Variants in IFT172 observed in about 807,000 individuals in gnomAD.
The protein encoded by IFT172 is intraflagellar transport 172.
IFT172 carries 164 observed loss-of-function variants against 248.9 expected under a neutral mutation model. The ratio of observed to expected loss-of-function variants is 0.66; its 90% CI spans 0.58 to 0.75. The LOEUF is 0.75. Among genes scored for constraint, IFT172 ranks in the 30% least tolerant of loss-of-function variants. The probability of loss-of-function intolerance (pLI) is 0.00; values close to 1 mark genes in which losing one functional copy is unlikely to be tolerated. For missense variants in IFT172, 1,950 were observed against 2,192.4 expected, an observed-to-expected ratio of 0.89 and a Z score of 2.21; for synonymous variants, 729 against 791.6, an observed-to-expected ratio of 0.92 and a Z score of 1.33.
intron 18 of IFT172, among the ~76,000 whole-genome samples, chr2:27,464,652 C>T (rs961955559): frequency 2.0e-5 from 3 of 151,646 alleles, no homozygotes; most frequent in South Asian, 2.1e-4. Flanking sequence ...TACGATCTCG[C>T]GCATCAGCCA....
At chr2:27,488,855 C>CA (rs1443815902) in intron 1 of IFT172, among the ~76,000 whole-genome samples, 2 of 152,148 alleles carry the variant, frequency 1.3e-5, no homozygotes, top group Non-Finnish European at 1.5e-5. Context: ...CTCGTCTCTA[C>CA]AAAAAACAAA....
At chr2:27,458,089 C>T (rs1490310815) in intron 27 of IFT172, 37 bp downstream of exon 27, 2 of 1,611,752 alleles carry the variant, frequency 1.2e-6, no homozygotes, top group Non-Finnish European at 8.5e-7. Context: ...CTTGAAATCT[C>T]ATCTCCCTCT....
At chr2:27,487,368 G>A (rs1048622087) in intron 1 of IFT172, among the ~76,000 whole-genome samples, 2 of 152,114 alleles carry the variant, frequency 1.3e-5, no homozygotes, top group Non-Finnish European at 2.9e-5. Flanking sequence ...TATTAAGTGA[G>A]GTAGGGAATA....
rs1456218679 is a variant in IFT172, at chr2:27,454,531, A to G, written c.3465+36T>C. 2 of 1,612,054 alleles carry G rather than the reference A, an allele frequency of 1.2e-6. No homozygotes were observed. Among genetic ancestry groups the G allele is most frequent in the Admixed American group, 3.3e-5 (2 of 60,000 alleles). On this transcript the variant is annotated intron_variant, in intron 31 of 47. Coordinates refer to ENST00000260570, the MANE Select transcript of IFT172 (RefSeq NM_015662.3). The surrounding 1 kb of genome is among the most constrained non-coding windows in gnomAD (Gnocchi z 4.2). ...GCAGTGCACTAGGGGATGGAATAAG[A>G]GGGCTCTGCGGTCGGGGTCCAAATC... is the stretch of plus-strand genomic sequence containing the variant.
In IFT172 at chr2:27,478,000, T is replaced by C. The variant is rs1668091082; in HGVS notation, c.1162A>G (p.Ser388Gly). ...CCCTCAATTTTGGTTCCTACCTCAC[T>C]AAGCCGATTAGTGTTCAGGTCCCCC... ...LLGDLNTNRLSEIAWQGSGGN... is the reference protein window; with the variant it reads ...LLGDLNTNRLGEIAWQGSGGN... The change falls in exon 11 of 48, where the codon AGT becomes GGT. Residue 388 changes from serine (S) to glycine (G), a missense_variant. Ser to Gly is a moderately conservative substitution (Grantham distance 56, BLOSUM62 0). Coordinates refer to ENST00000260570, the MANE Select transcript of IFT172 (RefSeq NM_015662.3). 1 of 1,614,124 alleles carries C rather than the reference T, an allele frequency of 6.2e-7. No homozygotes were observed. The highest frequency in any genetic ancestry group is 8.5e-7 in the Non-Finnish European group (1 of 1,179,996).
Position 27,454,106 on chromosome 2 carries a change from G to C in IFT172, c.3587C>G (p.Pro1196Arg), listed in dbSNP as rs754030652. The C allele has an allele frequency of 3.7e-6, 6 of 1,614,044 alleles. No homozygotes were observed. The South Asian group carries it at 6.6e-5, about 18-fold the overall frequency. The change falls in exon 33 of 48, where the codon CCT (proline) becomes CGT (arginine). Residue 1196 changes from proline (P) to arginine (R), a missense_variant. Physicochemically the swap from Pro to Arg is moderately radical, Grantham distance 103. Transcript: ENST00000260570. The surrounding 1 kb of genome is among the most constrained non-coding windows in gnomAD (Gnocchi z 4.2). The stretch of plus-strand genomic sequence containing the variant: ...CACAAGCACCTCGGCGACACTGTCA[G>C]GGTCGTGAGCCTCAGCCACACGCTG... ...AAQRVAEAHD[P>R]DSVAEVLVGQ...
intron 16 of IFT172, among the ~76,000 whole-genome samples, chr2:27,468,600 A>G (rs1013744855): frequency 1.3e-5 from 2 of 152,158 alleles, no homozygotes; most frequent in Non-Finnish European, 2.9e-5. Flanking sequence ...CTGTAATCCC[A>G]GCACTTTGGG....
At chr2:27,465,669 T>C (rs1667034144) in intron 17 of IFT172, 77 bp downstream of exon 17, 2 of 1,595,738 alleles carry the variant, frequency 1.3e-6, no homozygotes, top group Admixed American at 3.3e-5. Flanking sequence ...CTGGCCAGTT[T>C]TACACCCCAC....
chr2:27,446,413 C>A, intron 42 of IFT172, 58 bp from the exon 43 acceptor site: 1 of 1,460,002 alleles, frequency 6.8e-7, no homozygotes, highest in Non-Finnish European at 9.6e-7. Context: ...GCTACCAGAC[C>A]AATGATCCTG....
At chr2:27,450,307 A>C (rs1014601255) in intron 35 of IFT172, among the ~76,000 whole-genome samples, 2 of 152,182 alleles carry the variant, frequency 1.3e-5, no homozygotes, top group African/African-American at 2.4e-5. Context: ...CTCTCAGTTC[A>C]TTAACTCTTT....
intron 22 of IFT172, 30 bp downstream of exon 22, chr2:27,461,239 A>G: frequency 6.2e-7 from 1 of 1,612,994 alleles, no homozygotes; most frequent in Non-Finnish European, 8.5e-7. Context: ...AGCTCTGGAG[A>G]TAAGGGCTAG....
rs747512568 is a variant in IFT172, at chr2:27,454,201, G to A, written c.3531-39C>T. ...GGGACAGAGGAGAGACTGAGTATAG[G>A]ACTGAGGCCCCAATAGTGGGAGACA... On this transcript the variant is annotated intron_variant, in intron 32 of 47. Transcript: ENST00000260570. This position sits in a 1 kb window ranked among gnomAD's most constrained non-coding sequence, Gnocchi z 4.2. 1 of 1,604,574 alleles carries A rather than the reference G, an allele frequency of 6.2e-7. No homozygotes were observed. Among genetic ancestry groups the A allele is most frequent in the South Asian group, 1.1e-5 (1 of 90,160 alleles).
At position 27,461,745 on chromosome 2, in the gene IFT172, G is replaced by A. The variant is rs1666690784; in HGVS notation, c.2193+14C>T. ...CCAAATTCTGAACAACTGTGGAGAAGATAAAACAGGTACCTTGGCTTCAGC... is the reference window on the plus strand; with the variant it reads ...CCAAATTCTGAACAACTGTGGAGAAAATAAAACAGGTACCTTGGCTTCAGC... On this transcript the variant is annotated intron_variant, in intron 21 of 47. Coordinates refer to ENST00000260570, the MANE Select transcript of IFT172 (RefSeq NM_015662.3). 2 of 1,614,096 alleles carry A rather than the reference G, an allele frequency of 1.2e-6. No homozygotes were observed. Among genetic ancestry groups the A allele is most frequent in the Non-Finnish European group, 1.7e-6 (2 of 1,179,988 alleles).
rs761385238 is a variant in IFT172 at position 27,459,476 on chromosome 2, T to A, written c.2689A>T (p.Lys897Ter). 6.2e-7 allele frequency: 1 copy of A among 1,614,178 alleles called. No homozygotes were observed. The highest frequency in any genetic ancestry group is 1.1e-5 in the South Asian group (1 of 91,086). ...IEAALGARQW[K>*]KAIYILDLQD... ...AGATCTAATATATAAATTGCCTTCTTCCACTGGCGGGCACCCAGGGCGGCC... is the reference window on the plus strand; with the variant it reads ...AGATCTAATATATAAATTGCCTTCTACCACTGGCGGGCACCCAGGGCGGCC... The change falls in exon 25 of 48, where the codon AAG (lysine) becomes TAG (stop). Residue 897 changes from lysine (K) to a stop codon, truncating the protein, a stop_gained. Coordinates refer to ENST00000260570, the MANE Select transcript of IFT172 (RefSeq NM_015662.3). LOFTEE classifies it high-confidence loss of function.
chr2:27,458,801 C>T lies in IFT172; in HGVS notation c.2855G>A (p.Gly952Asp). Residue 952 changes from glycine (G) to aspartate (D), a missense_variant, in exon 26 of 48, where the codon GGT (glycine) becomes GAT (aspartate). Gly to Asp is a moderately conservative substitution (Grantham distance 94). Coordinates refer to ENST00000260570, the MANE Select transcript of IFT172 (RefSeq NM_015662.3). ...TACCTTGTGGGCTTGTTCCCAACGACCAGCCTGGGTGTACATGTCTATGGC... is the reference window on the plus strand; with the variant it reads ...TACCTTGTGGGCTTGTTCCCAACGATCAGCCTGGGTGTACATGTCTATGGC... Reference protein sequence around the residue: ...KDAIDMYTQAGRWEQAHKLAM... With the variant: ...KDAIDMYTQADRWEQAHKLAM... 1 of 1,614,198 alleles carries T rather than the reference C, an allele frequency of 6.2e-7. No individual in the cohort carries two copies. The highest frequency in any genetic ancestry group is 8.5e-7 in the Non-Finnish European group (1 of 1,180,032).
At chr2:27,463,871 G>A (rs898532972) in intron 18 of IFT172, among the ~76,000 whole-genome samples, 7 of 152,140 alleles carry the variant, frequency 4.6e-5, no homozygotes, top group African/African-American at 1.7e-4. Context: ...AGACTAATGG[G>A]CAAGCAGGAA....
In IFT172 at chr2:27,485,104, C is replaced by T. The variant is rs1388930401; in HGVS notation, c.210G>A (p.Lys70=). Residue 70 remains lysine, a synonymous_variant, in exon 3 of 48, where the codon AAG becomes AAA. Coordinates refer to ENST00000260570, the MANE Select transcript of IFT172 (RefSeq NM_015662.3). The part of the protein sequence containing the change: ...MKYGRKSYMV[K]GMAFSPDSTK... ...TGGAATCAGGAGAAAAAGCCATGCC[C>T]TTCACCATATAGCTCTTCCTGCCAT... 3.7e-6 allele frequency: 6 copies of T among 1,608,030 alleles called. No individual in the cohort carries two copies. Among genetic ancestry groups the T allele is most frequent in the Non-Finnish European group, 4.3e-6 (5 of 1,175,234 alleles).
At chr2:27,479,337 C>T (rs562345014) in intron 10 of IFT172, among the ~76,000 whole-genome samples, 172 bp downstream of exon 10, 7 of 152,314 alleles carry the variant, frequency 4.6e-5, no homozygotes, top group Middle Eastern at 3.4e-3. Context: ...GCAAGAACTA[C>T]AGCAGGAAAG....
Position 27,465,530 on chromosome 2 carries a change from A to G in IFT172, c.1830-12T>C. 6.2e-7 allele frequency: 1 copy of G among 1,612,184 alleles called. No homozygotes were observed. The highest frequency in any genetic ancestry group is 1.1e-5 in the South Asian group (1 of 91,048). On this transcript the variant is annotated splice_polypyrimidine_tract_variant and intron_variant, in intron 17 of 47. Coordinates refer to ENST00000260570, the MANE Select transcript of IFT172 (RefSeq NM_015662.3). Reference sequence around the variant, plus strand: ...AGAAGGCTGTTGCCCTGGAAAGGGAAGGAAGCAAAGCATAATGAATGAGGA... The same window carrying G: ...AGAAGGCTGTTGCCCTGGAAAGGGAGGGAAGCAAAGCATAATGAATGAGGA...
Sources: allele counts gnomAD v4.1 joint callset (sites outside exome capture counted in the v4.1 genomes callset), GRCh38; gene constraint gnomAD v4.1.1; non-coding constraint Gnocchi (gnomAD v3.1); transcripts MANE v1.5; gene names NCBI Gene and HGNC (gene_info 2026-07-23, HGNC 2026-07-21).